The following DMRT1 variants were observed in gnomAD, a reference collection of about 807,000 sequenced individuals.
DMRT1 encodes the protein doublesex and mab-3 related transcription factor 1, also known as doublesex- and mab-3-related transcription factor 1.
A neutral mutation model predicts 32.3 loss-of-function variants in DMRT1; 7 were observed. The observed-to-expected ratio is 0.22, with a 90% CI of 0.12 to 0.41. DMRT1 has a LOEUF of 0.41. DMRT1 is among the 10% of genes least tolerant of loss of function. The pLI is 1.00. For missense variants in DMRT1, 625 were observed against 500.5 expected (o/e 1.25, Z -2.37); for synonymous variants, 278 against 206.1 (o/e 1.35, Z -2.99).
intron 4 of DMRT1, among the ~76,000 whole-genome samples, chr9:930,378 G>A (rs1379179520): frequency 6.6e-6 from 1 of 151,606 alleles, no homozygotes; most frequent in Admixed American, 6.6e-5. Flanking sequence ...GACTACAGGT[G>A]TGCACCACCA....
At chr9:885,530 A>G (rs1426827031) in intron 2 of DMRT1, among the ~76,000 whole-genome samples, 1 of 152,184 alleles carries the variant, frequency 6.6e-6, no homozygotes, top group Non-Finnish European at 1.5e-5. Context: ...AGGCCCATCA[A>G]TGACCTGCCA....
chr9:926,589 CTT>C (rs1818530830), intron 4 of DMRT1, among the ~76,000 whole-genome samples: 1 of 152,020 alleles, frequency 6.6e-6, no homozygotes, highest in South Asian at 2.1e-4. Context: ...GCTTTTACGA[CTT>C]TAATTTATTC....
chr9:910,675 C>G (rs935269711), intron 3 of DMRT1, among the ~76,000 whole-genome samples: 1 of 152,070 alleles, frequency 6.6e-6, no homozygotes, highest in Non-Finnish European at 1.5e-5. Flanking sequence ...TAGAACACAA[C>G]TCCAAGGTCT....
chr9:928,280 C>G (rs1225173307), intron 4 of DMRT1, among the ~76,000 whole-genome samples: 1 of 152,200 alleles, frequency 6.6e-6, no homozygotes, highest in Non-Finnish European at 1.5e-5. Flanking sequence ...ATCTGCTTAA[C>G]ACACATATTT....
intron 3 of DMRT1, among the ~76,000 whole-genome samples, chr9:897,654 T>C (rs1817423588): frequency 1.3e-5 from 2 of 152,092 alleles, no homozygotes; most frequent in African/African-American, 4.8e-5. Flanking sequence ...ATTATGTCGT[T>C]GTTGGTTTTT....
At chr9:871,998 A>G (rs1456688112) in intron 2 of DMRT1, among the ~76,000 whole-genome samples, 1 of 151,370 alleles carries the variant, frequency 6.6e-6, no homozygotes, top group East Asian at 1.9e-4. Context: ...TAGGAAGCAG[A>G]CTTTATATTA....
rs141159121 is a variant in DMRT1 at position 950,117 on chromosome 9, C to A, written c.968-17868C>A. ...GGATCATACAGTAGTTTATTGAAGT[C>A]TCTTCTGCTTGGAAAGTGGAAAGAT... On this transcript the variant is annotated intron_variant, in intron 4 of 4. Coordinates refer to ENST00000382276, the MANE Select transcript of DMRT1 (RefSeq NM_021951.3). 1.6e-4 allele frequency among the ~76,000 whole-genome samples: 24 copies of A among 152,082 alleles called. No homozygotes were observed. The East Asian group carries it at 4.7e-3, about 30-fold the overall frequency.
chr9:871,927 G>A (rs1377942362), intron 2 of DMRT1, among the ~76,000 whole-genome samples: 1 of 151,254 alleles, frequency 6.6e-6, no homozygotes, highest in Non-Finnish European at 1.5e-5. Flanking sequence ...ACCATTTCTT[G>A]TTATATTTTC....
chr9:895,791 A>G (rs1399800310), intron 3 of DMRT1, among the ~76,000 whole-genome samples: 1 of 149,232 alleles, frequency 6.7e-6, no homozygotes, highest in Admixed American at 6.7e-5. Flanking sequence ...TACTCATCTT[A>G]TAACTGAAAC....
intron 2 of DMRT1, among the ~76,000 whole-genome samples, chr9:851,369 G>C (rs1315536601): frequency 1.3e-5 from 2 of 152,072 alleles, no homozygotes; most frequent in South Asian, 2.1e-4. Flanking sequence ...CTCTTGAGTA[G>C]CTGAGATTAC....
chr9:886,821 CA>C (rs1816949714), intron 2 of DMRT1, among the ~76,000 whole-genome samples: 1 of 152,170 alleles, frequency 6.6e-6, no homozygotes, highest in Non-Finnish European at 1.5e-5. Flanking sequence ...AGTGTTGAAG[CA>C]AATATTGCTG....
chr9:950,072 C>G (rs1223126174), intron 4 of DMRT1, among the ~76,000 whole-genome samples: 1 of 152,050 alleles, frequency 6.6e-6, no homozygotes, highest in Non-Finnish European at 1.5e-5. Context: ...TTTGAATATA[C>G]ACTCAGAAGT....
intron 4 of DMRT1, among the ~76,000 whole-genome samples, chr9:937,110 G>T (rs1818913023): frequency 6.6e-6 from 1 of 152,036 alleles, no homozygotes; most frequent in South Asian, 2.1e-4. Flanking sequence ...TTGTCCTTTT[G>T]CATCTGGCTT....
intron 4 of DMRT1, among the ~76,000 whole-genome samples, chr9:955,443 G>A (rs746761144): frequency 6.6e-6 from 1 of 152,224 alleles, no homozygotes; most frequent in Non-Finnish European, 1.5e-5. Context: ...GGTGGCTCAC[G>A]CCTGTAATCC....
rs556501849 is a variant in DMRT1, at chr9:864,742, C to T, written c.538+17599C>T. Reference sequence around the variant, plus strand: ...GTCTCCATCTCCTAACCTTGCGATCCGCCCACCTCGGCCTCCCAAAGTGCT... The same window carrying T: ...GTCTCCATCTCCTAACCTTGCGATCTGCCCACCTCGGCCTCCCAAAGTGCT... On this transcript the variant is annotated intron_variant, in intron 2 of 4. Coordinates refer to ENST00000382276, the MANE Select transcript of DMRT1 (RefSeq NM_021951.3). Among the ~76,000 whole-genome samples the T allele has an allele frequency of 2.8e-3, 416 of 149,092 alleles. 4 individuals carry two copies. Among genetic ancestry groups the T allele is most frequent in the African/African-American group, 9.8e-3 (396 of 40,272 alleles).
At chr9:941,329 T>TC (rs139393138) in intron 4 of DMRT1, among the ~76,000 whole-genome samples, 1,990 of 103,812 alleles carry the variant, frequency 0.019, 20 homozygotes, top group South Asian at 0.038. Context: ...ACACACCCCC[T>TC]CCCCCCCCCC....
At chr9:878,200 G>GCA (rs1816584290) in intron 2 of DMRT1, among the ~76,000 whole-genome samples, 3 of 94,040 alleles carry the variant, frequency 3.2e-5, no homozygotes, top group African/African-American at 4.3e-5. Context: ...TGCAGCTGCT[G>GCA]CCCCCCCCCC....
intron 2 of DMRT1, among the ~76,000 whole-genome samples, chr9:888,219 C>T (rs547815349): frequency 7.2e-5 from 11 of 152,040 alleles, no homozygotes; most frequent in Middle Eastern, 3.4e-3. Flanking sequence ...CATTTGGCAG[C>T]GATACACACA....
intron 4 of DMRT1, among the ~76,000 whole-genome samples, chr9:920,691 A>C (rs986718676): frequency 6.6e-6 from 1 of 152,158 alleles, no homozygotes; most frequent in African/African-American, 2.4e-5. Context: ...TAAAGAAGAG[A>C]GATTTTATAA....
Sources: allele counts gnomAD v4.1 joint callset (sites outside exome capture counted in the v4.1 genomes callset), GRCh38; gene constraint gnomAD v4.1.1; transcripts MANE v1.5; gene names NCBI Gene and HGNC (gene_info 2026-07-23, HGNC 2026-07-21).